The following CHD6 variants were observed in gnomAD, a reference collection of about 807,000 sequenced individuals.
CHD6 encodes the protein ATP-dependent chromatin remodeler CHD6.
A neutral mutation model predicts 276.9 loss-of-function variants in CHD6; 50 were observed. That is an observed-to-expected ratio of 0.18 (90% CI 0.14 to 0.23). The LOEUF (loss-of-function observed/expected upper bound fraction) is 0.23, where lower values mean the gene tolerates loss of function less well. Ranked by LOEUF, CHD6 falls within the 10% of genes least tolerant of loss-of-function variation. The pLI is 1.00. For synonymous variants in CHD6, 1,173 were observed against 1,229.3 expected, an observed-to-expected ratio of 0.95 and a Z score of 0.96; for missense variants, 2,564 against 3,365.8, an observed-to-expected ratio of 0.76 and a Z score of 5.89.
In CHD6 at chr20:41,452,419, CAT is replaced by C. The variant is rs367892776; in HGVS notation, c.3323+319_3323+320del. 2.7e-3 allele frequency among the ~76,000 whole-genome samples: 417 copies of C among 152,342 alleles called. 2 individuals are homozygous for C. Among genetic ancestry groups the C allele is most frequent in the Middle Eastern group, 0.024 (7 of 294 alleles). On this transcript the variant is annotated intron_variant, in intron 21 of 36. Coordinates refer to ENST00000373233, the MANE Select transcript of CHD6 (RefSeq NM_032221.5). This position sits in a 1 kb window ranked among gnomAD's most constrained non-coding sequence, Gnocchi z 4.2. ...TGCACGAATCATGCCTTGGCGATAA[CAT>C]GTGTTGTGTGGACTCCTTGTATATC...
In CHD6 at chr20:41,476,211, C is replaced by T. The variant is rs182526074; in HGVS notation, c.2469-2694G>A. ...AAATCAGACATCATAAAATTTTCCA[C>T]ACTGAACTTCAGCACAGCAATTAAC... On this transcript the variant is annotated intron_variant, in intron 16 of 36. Coordinates refer to ENST00000373233, the MANE Select transcript of CHD6 (RefSeq NM_032221.5). Among the ~76,000 whole-genome samples the T allele has an allele frequency of 1.8e-3, 275 of 152,208 alleles. 2 individuals carry two copies. Among genetic ancestry groups the T allele is most frequent in the Middle Eastern group, 3.4e-3 (1 of 294 alleles).
In CHD6 at chr20:41,452,775, C is replaced by T. The variant is rs372924518; in HGVS notation, c.3288G>A (p.Glu1096=). The T allele has an allele frequency of 2.4e-5, 38 of 1,613,358 alleles. No homozygotes were observed. Among genetic ancestry groups the T allele is most frequent in the Middle Eastern group, 1.6e-4 (1 of 6,078 alleles). The change falls in exon 21 of 37, where the codon GAG becomes GAA. Residue 1096 remains glutamate, a synonymous_variant. Transcript: ENST00000373233. The surrounding 1 kb of genome is among the most constrained non-coding windows in gnomAD (Gnocchi z 4.2). Reference sequence around the variant, plus strand: ...GCAGGTTCTTCTCTACCCGGAAGCACTCCGCTCGGAGGTAGCGCCTGGCTT... The same window carrying T: ...GCAGGTTCTTCTCTACCCGGAAGCATTCCGCTCGGAGGTAGCGCCTGGCTT... The part of the protein sequence containing the change: ...NDKARRYLRA[E]CFRVEKNLLI...
chr20:41,522,105 C>G (rs547211563), intron 3 of CHD6, among the ~76,000 whole-genome samples: 1 of 152,188 alleles, frequency 6.6e-6, no homozygotes, highest in African/African-American at 2.4e-5. Flanking sequence ...CTTTGGTAGG[C>G]TGGGGCAGGA....
intron 17 of CHD6, among the ~76,000 whole-genome samples, chr20:41,472,618 G>A (rs1037922543): frequency 1.9e-4 from 29 of 151,954 alleles, no homozygotes; most frequent in Non-Finnish European, 7.4e-5. Context: ...GGCTGACTTC[G>A]CGTCCCATAT....
chr20:41,512,812 A>G (rs1353872591), intron 5 of CHD6, 34 bp downstream of exon 5: 2 of 1,612,194 alleles, frequency 1.2e-6, no homozygotes, highest in South Asian at 2.2e-5. Context: ...ATGACTGTCC[A>G]GCCAAGGTCA....
At chr20:41,409,901 G>A (rs1046130226) in intron 36 of CHD6, among the ~76,000 whole-genome samples, 3 of 152,156 alleles carry the variant, frequency 2.0e-5, no homozygotes, top group African/African-American at 7.2e-5. Flanking sequence ...ATATACATAT[G>A]TAACTTACAT....
At chr20:41,430,798 C>T (rs2047512426) in intron 27 of CHD6, among the ~76,000 whole-genome samples, 1 of 151,844 alleles carries the variant, frequency 6.6e-6, no homozygotes, top group Non-Finnish European at 1.5e-5. Flanking sequence ...AAAACGCATC[C>T]CAAATTCCAG....
intron 1 of CHD6, among the ~76,000 whole-genome samples, chr20:41,566,295 T>TTA (rs1358795742): frequency 6.6e-6 from 1 of 152,058 alleles, no homozygotes; most frequent in African/African-American, 2.4e-5. Context: ...TTCTAGTACT[T>TTA]ATTAGAGAGT....
intron 2 of CHD6, among the ~76,000 whole-genome samples, chr20:41,550,795 T>A (rs752476781): frequency 2.0e-5 from 3 of 152,148 alleles, no homozygotes; most frequent in Non-Finnish European, 2.9e-5. Context: ...CCTGGCAAGA[T>A]AAATCACTCT....
At chr20:41,568,236 C>A (rs2045380560) in intron 1 of CHD6, among the ~76,000 whole-genome samples, 1 of 152,104 alleles carries the variant, frequency 6.6e-6, no homozygotes, top group South Asian at 2.1e-4. Context: ...CAGATAAAAT[C>A]TTGAGGGATA....
At chr20:41,562,565 A>G (rs1046449361) in intron 1 of CHD6, among the ~76,000 whole-genome samples, 10 of 152,038 alleles carry the variant, frequency 6.6e-5, no homozygotes, top group African/African-American at 2.2e-4. Context: ...GCAATTTGTA[A>G]ATTAGATCAA....
chr20:41,486,199 T>C (rs1238235329), intron 14 of CHD6: 1 of 152,198 alleles, frequency 6.6e-6, no homozygotes, highest in Non-Finnish European at 1.5e-5. Flanking sequence ...ATCTGCCACA[T>C]GCTGGGTTCA....
intron 3 of CHD6, among the ~76,000 whole-genome samples, chr20:41,527,835 G>A (rs1273951120): frequency 6.6e-6 from 1 of 152,174 alleles, no homozygotes; most frequent in African/African-American, 2.4e-5. Flanking sequence ...ATCAGGTCAG[G>A]TGGCTCTGGA....
At chr20:41,519,517 C>T (rs2044334300) in intron 3 of CHD6, among the ~76,000 whole-genome samples, 2 of 151,970 alleles carry the variant, frequency 1.3e-5, no homozygotes, top group African/African-American at 4.8e-5. Flanking sequence ...AGGATATATA[C>T]AATGTAATAC....
chr20:41,435,603 C>CAAAAA (rs34895530), intron 27 of CHD6, among the ~76,000 whole-genome samples: 1 of 110,188 alleles, frequency 9.1e-6, no homozygotes. Context: ...GACCCTGAGT[C>CAAAAA]AAAAAAAAAA....
At chr20:41,538,488 A>G (rs2044879085) in intron 2 of CHD6, among the ~76,000 whole-genome samples, 1 of 152,260 alleles carries the variant, frequency 6.6e-6, no homozygotes, top group South Asian at 2.1e-4. Context: ...TTTATATGAA[A>G]TGCTCAGCAA....
At chr20:41,453,019 G>T in intron 20 of CHD6, 77 bp from the exon 21 acceptor site, 2 of 1,188,044 alleles carry the variant, frequency 1.7e-6, no homozygotes, top group East Asian at 2.4e-5. Flanking sequence ...GTATCCTCAG[G>T]ACACATTTGG....
At chr20:41,582,371 TATAAA>T (rs1163924908) in intron 1 of CHD6, among the ~76,000 whole-genome samples, 1 of 152,152 alleles carries the variant, frequency 6.6e-6, no homozygotes, top group Non-Finnish European at 1.5e-5. Context: ...TTTAGGGTAT[TATAAA>T]AGGAAACAAT....
At chr20:41,496,136 T>C (rs2043680014) in intron 8 of CHD6, among the ~76,000 whole-genome samples, 1 of 152,234 alleles carries the variant, frequency 6.6e-6, no homozygotes, top group Non-Finnish European at 1.5e-5. Flanking sequence ...AGTCTAGGAT[T>C]AGTAGGATTC....
Sources: allele counts gnomAD v4.1 joint callset (sites outside exome capture counted in the v4.1 genomes callset), GRCh38; gene constraint gnomAD v4.1.1; non-coding constraint Gnocchi (gnomAD v3.1); transcripts MANE v1.5; gene names NCBI Gene and HGNC (gene_info 2026-07-23, HGNC 2026-07-21).